Variants in ZNF516 observed in about 807,000 individuals in gnomAD.
The protein encoded by ZNF516 is zinc finger protein 516.
Under a neutral mutation model 79.7 loss-of-function variants are expected in ZNF516, and 19 were observed. That is an observed-to-expected ratio of 0.24 (90% CI 0.17 to 0.35). The LOEUF is 0.35. ZNF516 is among the 10% of genes least tolerant of loss of function. The probability of loss-of-function intolerance (pLI) is 1.00; values close to 1 mark genes in which losing one functional copy is unlikely to be tolerated. For missense variants in ZNF516, 1,678 were observed against 1,679.5 expected (o/e 1.00, Z 0.02); for synonymous variants, 877 against 739.5 (o/e 1.19, Z -3.02).
intron 3 of ZNF516, among the ~76,000 whole-genome samples, chr18:76,383,758 T>G (rs1452305341): frequency 6.6e-6 from 1 of 152,216 alleles, no homozygotes; most frequent in East Asian, 1.9e-4. Context: ...CGATCAGGCC[T>G]CAGGCCTTGG....
At chr18:76,427,980 A>G (rs2075616883) in intron 3 of ZNF516, among the ~76,000 whole-genome samples, 1 of 152,262 alleles carries the variant, frequency 6.6e-6, no homozygotes, top group Non-Finnish European at 1.5e-5. Context: ...GGCATGGAGA[A>G]ACACACACAC....
intron 2 of ZNF516, among the ~76,000 whole-genome samples, chr18:76,453,970 ATT>A (rs976117761): frequency 4.9e-4 from 74 of 152,298 alleles, no homozygotes; most frequent in Middle Eastern, 3.4e-3. Context: ...TAAAACCAAC[ATT>A]TCTCTCCCAG....
chr18:76,422,063 G>C (rs2075515473), intron 3 of ZNF516, among the ~76,000 whole-genome samples: 1 of 152,240 alleles, frequency 6.6e-6, no homozygotes, highest in African/African-American at 2.4e-5. Flanking sequence ...ACATGAGCAA[G>C]TGAAGGTAAA....
In ZNF516 at chr18:76,404,702, T is replaced by C. The variant is rs566343347; in HGVS notation, c.1811-24399A>G. Among the ~76,000 whole-genome samples, 16 of 151,074 alleles carry C rather than the reference T, an allele frequency of 1.1e-4. No homozygotes were observed. In the South Asian group the frequency reaches 3.4e-3, roughly 32 times the overall value. On this transcript the variant is annotated intron_variant, in intron 3 of 6. Coordinates refer to ENST00000443185, the MANE Select transcript of ZNF516 (RefSeq NM_014643.4). ...GTGCCTGTGAGCATGAGTGTGAGCA[T>C]GAGCATATGCACGTGTGCATGTGAT...
intron 3 of ZNF516, among the ~76,000 whole-genome samples, chr18:76,382,090 C>T (rs1417967808): frequency 3.3e-5 from 5 of 152,058 alleles, no homozygotes; most frequent in Non-Finnish European, 7.4e-5. Flanking sequence ...TGACATCACG[C>T]CACTGCACTC....
chr18:76,430,299 G>A (rs968888341), intron 3 of ZNF516, among the ~76,000 whole-genome samples: 3 of 152,036 alleles, frequency 2.0e-5, no homozygotes, highest in African/African-American at 7.2e-5. Flanking sequence ...GTCTAATACC[G>A]AAATAATCTA....
chr18:76,441,292 T>C lies in ZNF516; in HGVS notation c.1763A>G (p.Glu588Gly), dbSNP rs1472708452. Residue 588 changes from glutamate to glycine, a missense_variant, in exon 3 of 7, where the codon GAG becomes GGG. By Grantham distance (98) the Glu-to-Gly change is moderately conservative. This residue lies in a region of ZNF516 where 1,294 missense variants were observed against 1,248.3 expected (regional missense o/e 1.04). Coordinates refer to ENST00000443185, the MANE Select transcript of ZNF516 (RefSeq NM_014643.4). ...CTCCTCACCACTGTCTTCGGCAGCC[T>C]CGTCGGCCAGGCCAGAGCCCGGGGA... The part of the protein sequence containing the change: ...ADSPGSGLAD[E>G]AAEDSGEEGA... 3 of 1,611,078 alleles carry C rather than the reference T, an allele frequency of 1.9e-6. No individual in the cohort carries two copies. The highest frequency in any genetic ancestry group is 1.1e-5 in the South Asian group (1 of 90,800).
intron 3 of ZNF516, among the ~76,000 whole-genome samples, chr18:76,391,627 G>A (rs1360035742): frequency 1.3e-5 from 2 of 152,160 alleles, no homozygotes; most frequent in Non-Finnish European, 2.9e-5. Flanking sequence ...TCCCAGACAC[G>A]TGACTAGGAC....
intron 5 of ZNF516, 137 bp from the exon 6 acceptor site, chr18:76,370,732 A>C: frequency 1.5e-6 from 1 of 668,794 alleles, no homozygotes; most frequent in East Asian, 3.2e-5. Flanking sequence ...ATACCAATTT[A>C]CCGTAACACT....
chr18:76,485,048 A>G (rs1568330876), intron 1 of ZNF516, among the ~76,000 whole-genome samples: 2 of 77,108 alleles, frequency 2.6e-5, no homozygotes, highest in Non-Finnish European at 3.5e-5. Context: ...ATTTATTAAC[A>G]CTTTTATTTT....
chr18:76,404,189 G>C (rs764440376), intron 3 of ZNF516, among the ~76,000 whole-genome samples: 1 of 152,258 alleles, frequency 6.6e-6, no homozygotes, highest in South Asian at 2.1e-4. Flanking sequence ...CTCGGAAGCA[G>C]GTGGTCCCAC....
Position 76,451,643 on chromosome 18 carries a change from G to A in ZNF516, c.-157-8432C>T, listed in dbSNP as rs1037766733. ...ACGGGGTCGGCGCAGAAGCCCGTGC[G>A]TGTGCTGAGTGGGTGCAAGGCCCAG... On this transcript the variant is annotated intron_variant, in intron 2 of 6. Transcript: ENST00000443185. The surrounding 1 kb of genome is among the most constrained non-coding windows in gnomAD (Gnocchi z 6.0). 2.0e-5 allele frequency among the ~76,000 whole-genome samples: 3 copies of A among 152,204 alleles called. No individual in the cohort carries two copies. The highest frequency in any genetic ancestry group is 1.9e-4 in the East Asian group (1 of 5,196).
At chr18:76,433,002 C>A (rs1468875126) in intron 3 of ZNF516, among the ~76,000 whole-genome samples, 3 of 152,216 alleles carry the variant, frequency 2.0e-5, no homozygotes, top group African/African-American at 7.2e-5. Context: ...AAAAGCGAGA[C>A]CTGGCCGCAC....
At chr18:76,385,114 C>G (rs144720830) in intron 3 of ZNF516, among the ~76,000 whole-genome samples, 5 of 152,372 alleles carry the variant, frequency 3.3e-5, no homozygotes, top group Admixed American at 2.6e-4. Flanking sequence ...CCCAACCCCA[C>G]GAGTGTGCAC....
chr18:76,399,659 A>G (rs2848959), intron 3 of ZNF516, among the ~76,000 whole-genome samples: 151,668 of 152,342 alleles, frequency 1, 75,503 homozygotes, highest in Middle Eastern at 1. Context: ...GGAAAACAGC[A>G]CCTAAGTTGT....
At chr18:76,486,379 A>AAAG (rs1317469282) in intron 1 of ZNF516, among the ~76,000 whole-genome samples, 2 of 152,256 alleles carry the variant, frequency 1.3e-5, no homozygotes, top group Non-Finnish European at 2.9e-5. Flanking sequence ...TGAAACAAAA[A>AAAG]AATTCCTAAA....
At chr18:76,452,832 A>T (rs1005024576) in intron 2 of ZNF516, among the ~76,000 whole-genome samples, 4 of 152,212 alleles carry the variant, frequency 2.6e-5, no homozygotes, top group South Asian at 2.1e-4. Flanking sequence ...TTACATTCAG[A>T]AAAGTCCAAG....
intron 3 of ZNF516, among the ~76,000 whole-genome samples, chr18:76,428,498 G>C (rs180715256): frequency 6.6e-6 from 1 of 152,070 alleles, no homozygotes; most frequent in Admixed American, 6.5e-5. Context: ...ATGAAATTTG[G>C]AAAGGACCTG....
chr18:76,402,046 C>T (rs1366746005), intron 3 of ZNF516, among the ~76,000 whole-genome samples: 1 of 152,014 alleles, frequency 6.6e-6, no homozygotes, highest in Non-Finnish European at 1.5e-5. Context: ...TGCACGTGAA[C>T]GTGACCAGTG....
Sources: gnomAD v4.1 joint callset for allele counts (sites outside exome capture counted in the v4.1 genomes callset) on GRCh38, gnomAD v4.1.1 for gene constraint, gnomAD v4.1.1 regional missense constraint, Gnocchi (gnomAD v3.1) non-coding constraint, MANE v1.5 for transcripts, NCBI Gene and HGNC (gene_info 2026-07-23, HGNC 2026-07-21) for gene names.